Variants in RCC1 observed in about 807,000 individuals in gnomAD.
RCC1 encodes regulator of chromosome condensation 1, also known as regulator of chromosome condensation.
RCC1 carries 11 observed loss-of-function variants against 44.4 expected under a neutral mutation model. That is an observed-to-expected ratio of 0.25 (90% CI 0.16 to 0.41). RCC1 has a LOEUF of 0.41. Among genes scored for constraint, RCC1 ranks in the 10% least tolerant of loss-of-function variants. The pLI, the probability that RCC1 is intolerant of heterozygous loss-of-function variation, is 1.00. For missense variants in RCC1, 386 were observed against 547.1 expected, an observed-to-expected ratio of 0.71 and a Z score of 2.94; for synonymous variants, 213 against 216.5, an observed-to-expected ratio of 0.98 and a Z score of 0.14.
At chr1:28,532,880 A>G in intron 7 of RCC1, 1 of 331,196 alleles carries the variant, frequency 3.0e-6, no homozygotes, top group Non-Finnish European at 6.1e-6. Flanking sequence ...CAATAGCGCA[A>G]TCTTGGCTCA....
intron 4 of RCC1, among the ~76,000 whole-genome samples, chr1:28,522,302 G>A (rs1663334562): frequency 1.3e-5 from 2 of 152,282 alleles, no homozygotes; most frequent in Non-Finnish European, 2.9e-5. Context: ...AGGACAGTTA[G>A]CATTCTGGCC....
In RCC1 at chr1:28,506,046, T is replaced by G. The variant is rs1661884061; in HGVS notation, c.-300T>G. The G allele has an allele frequency of 2.2e-6, 1 of 454,954 alleles. No individual in the cohort carries two copies. The highest frequency in any genetic ancestry group is 2.0e-5 in the African/African-American group (1 of 49,194). The allele number at this position is 454,954 out of a possible 1,614,324, so 28.2% of individuals were successfully genotyped here. ...GGATGCTTCGCGTTTTCTCTCTCCT[T>G]TTTGGAGACAGATTCGCAGTGGTCG... On this transcript the variant is annotated 5_prime_UTR_variant, in exon 1 of 13. Transcript: ENST00000683442.
rs1291993206 is a variant in RCC1, at chr1:28,516,790, G to T, written c.-87G>T. The T allele has an allele frequency of 4.4e-6, 2 of 456,272 alleles. No homozygotes were observed. Among genetic ancestry groups the T allele is most frequent in the Middle Eastern group, 3.3e-4 (1 of 3,074 alleles). The allele number at this position is 456,272 out of a possible 1,614,324, so 28.3% of individuals were successfully genotyped here. ...GAGAGAGAGAGATCAGAGATCCCAG[G>T]GTTAAAAGTTGGAGAAATTTCACAG... is the stretch of plus-strand genomic sequence containing the variant. On this transcript the variant is annotated 5_prime_UTR_variant, in exon 4 of 13. Transcript: ENST00000683442.
intron 5 of RCC1, among the ~76,000 whole-genome samples, chr1:28,531,265 C>CTTTTTTT (rs1178899130): frequency 1.5e-5 from 2 of 132,112 alleles, no homozygotes; most frequent in Non-Finnish European, 3.1e-5. Context: ...TTTTCTTTTT[C>CTTTTTTT]TTTTTTTTTT....
At chr1:28,520,775 G>A (rs1233045366) in intron 4 of RCC1, among the ~76,000 whole-genome samples, 1 of 152,264 alleles carries the variant, frequency 6.6e-6, no homozygotes, top group Middle Eastern at 3.4e-3. Flanking sequence ...CTCACTGCCT[G>A]GTTAAGAAAA....
At chr1:28,537,350 G>A (rs1245312890) in intron 12 of RCC1, among the ~76,000 whole-genome samples, 1 of 152,190 alleles carries the variant, frequency 6.6e-6, no homozygotes, top group Admixed American at 6.5e-5. Context: ...GTGAACAAGT[G>A]ACCACCAAAG....
chr1:28,528,409 C>T (rs572308284), intron 4 of RCC1, among the ~76,000 whole-genome samples: 39 of 152,210 alleles, frequency 2.6e-4, no homozygotes, highest in Non-Finnish European at 5.3e-4. Context: ...GAGCCGAGAT[C>T]GCACCATTGC....
rs1664668929 is a variant in RCC1, at chr1:28,538,102, G to GC, written c.*98dup. ...GCAGATGGCAGCGGGCCTCTCCCCA[G>GC]CCCTGAGCACTGTGTCAGTTCCTGC... On this transcript the variant is annotated 3_prime_UTR_variant, in exon 13 of 13. Transcript: ENST00000683442. 8.7e-7 allele frequency: 1 copy of GC among 1,143,832 alleles called. No homozygotes were observed. The highest frequency in any genetic ancestry group is 1.5e-5 in the African/African-American group (1 of 64,624). The allele number at this position is 1,143,832 out of a possible 1,614,324, so 70.9% of individuals were successfully genotyped here.
intron 3 of RCC1, chr1:28,509,112 C>G: frequency 3.0e-6 from 1 of 328,782 alleles, no homozygotes; most frequent in East Asian, 8.0e-5. Flanking sequence ...CCTCATACCT[C>G]TTTTAAAAGT....
At chr1:28,519,645 G>T (rs753243107) in intron 4 of RCC1, among the ~76,000 whole-genome samples, 24 of 151,200 alleles carry the variant, frequency 1.6e-4, no homozygotes, top group Non-Finnish European at 3.1e-4. Flanking sequence ...TCAGCTCACT[G>T]CAACCTCCAC....
rs1295122350 is a variant in RCC1 at position 28,508,895 on chromosome 1, AGGG to A, written c.-162_-160del. ...TTAATTTTAGGGTCCTTTATATAGAAGGGAGAGTAGGTAAACTGATTTTTTTTT... is the reference window on the plus strand; with the variant it reads ...TTAATTTTAGGGTCCTTTATATAGAAAGAGTAGGTAAACTGATTTTTTTTT... On this transcript the variant is annotated 5_prime_UTR_variant, in exon 3 of 13. Transcript: ENST00000683442. 1 of 516,516 alleles carries A rather than the reference AGGG, an allele frequency of 1.9e-6. No individual in the cohort carries two copies. The highest frequency in any genetic ancestry group is 1.4e-5 in the South Asian group (1 of 71,170). The allele number at this position is 516,516 out of a possible 1,614,324, so 32.0% of individuals were successfully genotyped here. A position where few individuals can be genotyped will look rare whatever the true frequency, so the allele number is the denominator to read the frequency against.
chr1:28,536,637 T>G lies in RCC1; in HGVS notation c.938-110T>G. On this transcript the variant is annotated intron_variant, in intron 11 of 12. Coordinates refer to ENST00000683442, the MANE Select transcript of RCC1 (RefSeq NM_001381865.2). This position sits in a 1 kb window ranked among gnomAD's most constrained non-coding sequence, Gnocchi z 4.9. ...ACACTGCAGATCTCCTTCTGATCGC[T>G]CTGGGAGCAGGGACACACTCCCATG... 1 of 1,349,616 alleles carries G rather than the reference T, an allele frequency of 7.4e-7. No individual in the cohort carries two copies. Among genetic ancestry groups the G allele is most frequent in the Non-Finnish European group, 1.0e-6 (1 of 971,484 alleles). The allele number at this position is 1,349,616 out of a possible 1,614,324, so 83.6% of individuals were successfully genotyped here.
rs1447659695 is a variant in RCC1, at chr1:28,536,526, C to T, written c.937+145C>T. 3 of 1,175,118 alleles carry T rather than the reference C, an allele frequency of 2.6e-6. No homozygotes were observed. The highest frequency in any genetic ancestry group is 2.3e-5 in the East Asian group (1 of 42,586). The allele number at this position is 1,175,118 out of a possible 1,614,324, so 72.8% of individuals were successfully genotyped here. On this transcript the variant is annotated intron_variant, in intron 11 of 12. Coordinates refer to ENST00000683442, the MANE Select transcript of RCC1 (RefSeq NM_001381865.2). The surrounding 1 kb of genome is among the most constrained non-coding windows in gnomAD (Gnocchi z 4.9). ...TGGGTCCATGAGAGTCACTCTCATCCTCCTAGAGTCCTGGTGTTCTTCCAA... is the reference window on the plus strand; with the variant it reads ...TGGGTCCATGAGAGTCACTCTCATCTTCCTAGAGTCCTGGTGTTCTTCCAA...
rs965810321 is a variant in RCC1, at chr1:28,538,209, G to A, written c.*202G>A. The A allele has an allele frequency of 2.7e-5, 14 of 509,652 alleles. No individual in the cohort carries two copies. The highest frequency in any genetic ancestry group is 4.5e-5 in the Non-Finnish European group (13 of 289,916). The allele number at this position is 509,652 out of a possible 1,614,324, so 31.6% of individuals were successfully genotyped here. ...TTTTCCTGGGACCTACAGAATAAAG[G>A]GGGGGATGGACAGGGGGTTTTCAAA... On this transcript the variant is annotated 3_prime_UTR_variant, in exon 13 of 13. Coordinates refer to ENST00000683442, the MANE Select transcript of RCC1 (RefSeq NM_001381865.2).
intron 12 of RCC1, 113 bp from the exon 13 acceptor site, chr1:28,537,719 C>G: frequency 7.4e-6 from 8 of 1,082,090 alleles, no homozygotes; most frequent in Non-Finnish European, 9.2e-6. Context: ...GGTACCTTGC[C>G]AAGCTGCTAT....
chr1:28,528,184 A>G (rs1042640545), intron 4 of RCC1, among the ~76,000 whole-genome samples: 1 of 151,504 alleles, frequency 6.6e-6, no homozygotes, highest in African/African-American at 2.4e-5. Context: ...GGCTGGGCAC[A>G]GTGGCTCACG....
chr1:28,513,625 C>T (rs935684794), intron 3 of RCC1, among the ~76,000 whole-genome samples: 1 of 151,994 alleles, frequency 6.6e-6, no homozygotes, highest in Non-Finnish European at 1.5e-5. Flanking sequence ...GTCACCCAGG[C>T]CAGAGTTCAG....
chr1:28,525,790 A>G (rs1663612649), intron 4 of RCC1, among the ~76,000 whole-genome samples: 1 of 152,134 alleles, frequency 6.6e-6, no homozygotes, highest in East Asian at 1.9e-4. Flanking sequence ...ATCAGCAGAA[A>G]AGTGCCTGGC....
chr1:28,508,995 TGA>T (rs753204333), intron 3 of RCC1, 90 bp downstream of exon 3: 17 of 436,104 alleles, frequency 3.9e-5, no homozygotes, highest in Admixed American at 1.1e-4. Flanking sequence ...TGCCTCCTTT[TGA>T]GAGTCTTGCT....
Sources: allele counts gnomAD v4.1 joint callset (sites outside exome capture counted in the v4.1 genomes callset), GRCh38; gene constraint gnomAD v4.1.1; non-coding constraint Gnocchi (gnomAD v3.1); transcripts MANE v1.5; gene names NCBI Gene and HGNC (gene_info 2026-07-23, HGNC 2026-07-21).